The following TMSB15B variants were observed in gnomAD, a reference collection of about 807,000 sequenced individuals.
TMSB15B encodes thymosin beta 15B.
chrX:103,937,863 G>A (rs1411309851), intron 1 of TMSB15B, among the ~76,000 whole-genome samples: 3 of 111,623 alleles, frequency 2.7e-5, no homozygotes, highest in East Asian at 2.8e-4. Flanking sequence ...ATTCTGGTAC[G>A]TTTTGTCTTT....
intron 1 of TMSB15B, among the ~76,000 whole-genome samples, chrX:103,946,961 T>A (rs1474483815): frequency 9.0e-6 from 1 of 111,225 alleles, no homozygotes; most frequent in Non-Finnish European, 1.9e-5. Context: ...ACAGGCTTTT[T>A]GGAAAACTAG....
At chrX:103,943,563 C>T (rs1556326211) in intron 1 of TMSB15B, among the ~76,000 whole-genome samples, 2 of 112,169 alleles carry the variant, frequency 1.8e-5, no homozygotes, top group African/African-American at 6.5e-5. Context: ...ATTGGCTCTT[C>T]TTGTCACCTT....
At chrX:103,927,470 T>C (rs1307971259) in intron 1 of TMSB15B, among the ~76,000 whole-genome samples, 1 of 111,246 alleles carries the variant, frequency 9.0e-6, no homozygotes, top group Admixed American at 9.5e-5. Context: ...CTTCCAGGAG[T>C]AGCTGCTCTT....
intron 1 of TMSB15B, among the ~76,000 whole-genome samples, chrX:103,935,812 A>C (rs1556321427): frequency 9.5e-6 from 1 of 105,488 alleles, no homozygotes; most frequent in African/African-American, 3.5e-5. Flanking sequence ...TGTCTTGGCA[A>C]TGCGGGCTCT....
At chrX:103,943,997 A>G (rs191873140) in intron 1 of TMSB15B, among the ~76,000 whole-genome samples, 123 of 111,929 alleles carry the variant, frequency 1.1e-3, no homozygotes, top group Non-Finnish European at 2.0e-3. Context: ...GGTCTTGTTG[A>G]TCATGTGATC....
intron 1 of TMSB15B, among the ~76,000 whole-genome samples, chrX:103,923,216 C>T (rs1556318162): frequency 2.7e-5 from 3 of 111,930 alleles, no homozygotes. Context: ...AATTAGATCC[C>T]ATTTGTCAAT....
At chrX:103,921,290 G>T (rs2074952030) in intron 1 of TMSB15B, among the ~76,000 whole-genome samples, 1 of 112,045 alleles carries the variant, frequency 8.9e-6, no homozygotes, top group African/African-American at 3.2e-5. Context: ...GATGGTGGCA[G>T]TAGCTCTTAG....
intron 1 of TMSB15B, among the ~76,000 whole-genome samples, chrX:103,930,345 A>G (rs1270343913): frequency 2.7e-5 from 3 of 110,801 alleles, no homozygotes; most frequent in Non-Finnish European, 5.7e-5. Flanking sequence ...GATTTCCCCC[A>G]AGTGAATGTG....
intron 1 of TMSB15B, among the ~76,000 whole-genome samples, chrX:103,926,987 C>A (rs1456965580): frequency 1.8e-5 from 2 of 110,972 alleles, no homozygotes; most frequent in Non-Finnish European, 3.8e-5. Flanking sequence ...GGGACCCCCT[C>A]TTTCCTCCCC....
At chrX:103,929,773 A>G (rs1279790092) in intron 1 of TMSB15B, among the ~76,000 whole-genome samples, 1 of 111,973 alleles carries the variant, frequency 8.9e-6, no homozygotes, top group Non-Finnish European at 1.9e-5. Flanking sequence ...AACATTGCCC[A>G]GAAACGATTT....
chrX:103,948,916 G>T (rs1465049724), intron 1 of TMSB15B, among the ~76,000 whole-genome samples: 2 of 112,136 alleles, frequency 1.8e-5, no homozygotes, highest in Non-Finnish European at 3.8e-5. Flanking sequence ...GTTAGATGGC[G>T]ATGAAGCAAA....
rs1281984128 is a variant in TMSB15B at position 103,953,097 on chromosome X, G to T, written c.-720-8924G>T. Among the ~76,000 whole-genome samples, 23 of 111,653 alleles carry T rather than the reference G, an allele frequency of 2.1e-4. No individual in the cohort carries two copies. In the Admixed American group the frequency reaches 2.2e-3, roughly 11 times the overall value. On this transcript the variant is annotated intron_variant, in intron 1 of 3. Coordinates refer to the TMSB15B transcript ENST00000419165. ...TGGAGAAAAGCAAGGCAGGACGACGGCACACCCAGGTGCAACACAAAGCCA... is the reference window on the plus strand; with the variant it reads ...TGGAGAAAAGCAAGGCAGGACGACGTCACACCCAGGTGCAACACAAAGCCA...
At chrX:103,930,731 A>G (rs1376187209) in intron 1 of TMSB15B, among the ~76,000 whole-genome samples, 829 of 74,182 alleles carry the variant, frequency 0.011, 8 homozygotes, top group Non-Finnish European at 0.016. Flanking sequence ...TGTTGATAAT[A>G]ATAATAATAA....
intron 1 of TMSB15B, among the ~76,000 whole-genome samples, chrX:103,935,885 T>C (rs2074996517): frequency 9.7e-6 from 1 of 102,741 alleles, no homozygotes; most frequent in South Asian, 5.0e-4. Flanking sequence ...TCACTCTTGT[T>C]GCCCAGGCTG....
At chrX:103,920,809 C>T (rs1391008399) in intron 1 of TMSB15B, among the ~76,000 whole-genome samples, 11 of 112,393 alleles carry the variant, frequency 9.8e-5, no homozygotes, top group African/African-American at 3.6e-4. Flanking sequence ...GGGGACTTCT[C>T]CTTTGCTGGA....
chrX:103,950,094 A>G lies in TMSB15B; in HGVS notation c.-720-11927A>G, dbSNP rs2075035248. Among the ~76,000 whole-genome samples the G allele has an allele frequency of 6.3e-5, 7 of 111,456 alleles. No homozygotes were observed. In the South Asian group the frequency reaches 2.7e-3, roughly 43 times the overall value. On this transcript the variant is annotated intron_variant, in intron 1 of 3. Coordinates refer to the TMSB15B transcript ENST00000419165. ...CAATGTGAAGTCACTCATGACCATA[A>G]CCATGACAGGAGCAATTTCAACTGA...
At chrX:103,956,084 C>A (rs1556329099) in intron 1 of TMSB15B, among the ~76,000 whole-genome samples, 1 of 82,769 alleles carries the variant, frequency 1.2e-5, no homozygotes, top group Non-Finnish European at 2.3e-5. Context: ...CCCTTTCAGA[C>A]AAGCAAATGC....
chrX:103,926,962 T>A (rs1388296611), intron 1 of TMSB15B, among the ~76,000 whole-genome samples: 4 of 110,303 alleles, frequency 3.6e-5, no homozygotes, highest in Non-Finnish European at 7.6e-5. Flanking sequence ...CTGCACCCCC[T>A]GTCTCGTCAT....
At chrX:103,945,142 C>A (rs1424626858) in intron 1 of TMSB15B, among the ~76,000 whole-genome samples, 1 of 112,825 alleles carries the variant, frequency 8.9e-6, no homozygotes, top group Admixed American at 9.3e-5. Context: ...TTGTAAATTC[C>A]TTGAGAGCAG....
Sources: gnomAD v4.1 joint callset for allele counts (sites outside exome capture counted in the v4.1 genomes callset) on GRCh38, gnomAD v4.1.1 for gene constraint, MANE v1.5 for transcripts, NCBI Gene and HGNC (gene_info 2026-07-23, HGNC 2026-07-21) for gene names.